Variants in ELMO1 observed in about 807,000 individuals in gnomAD.
ELMO1 encodes engulfment and cell motility protein 1.
Under a neutral mutation model 98.9 loss-of-function variants are expected in ELMO1, and 26 were observed. That is an observed-to-expected ratio of 0.26 (90% CI 0.19 to 0.36). The LOEUF (loss-of-function observed/expected upper bound fraction) is 0.36. Among genes scored for constraint, ELMO1 ranks in the 10% least tolerant of loss-of-function variants. The probability of loss-of-function intolerance (pLI) is 1.00; values close to 1 mark genes in which losing one functional copy is unlikely to be tolerated. For missense variants in ELMO1, 627 were observed against 935.2 expected, an observed-to-expected ratio of 0.67 and a Z score of 4.30; for synonymous variants, 346 against 346.0, an observed-to-expected ratio of 1.00 and a Z score of 0.00.
chr7:37,143,229 T>C (rs930976616), intron 13 of ELMO1, among the ~76,000 whole-genome samples: 7 of 152,242 alleles, frequency 4.6e-5, no homozygotes, highest in African/African-American at 1.2e-4. Context: ...ATTGGGTAGC[T>C]TGCCCAAAGT....
intron 1 of ELMO1, among the ~76,000 whole-genome samples, chr7:37,372,859 C>A (rs1802170661): frequency 6.6e-6 from 1 of 152,160 alleles, no homozygotes; most frequent in Non-Finnish European, 1.5e-5. Flanking sequence ...ATCTATTTTT[C>A]CAACCTGGCA....
intron 16 of ELMO1, among the ~76,000 whole-genome samples, chr7:36,937,455 G>A (rs1240693830): frequency 2.0e-5 from 3 of 152,210 alleles, no homozygotes; most frequent in East Asian, 3.8e-4. Context: ...GGCCCTGTGA[G>A]CCATGCTCCA....
chr7:37,103,255 A>G (rs1203397115), intron 14 of ELMO1, among the ~76,000 whole-genome samples: 1 of 152,218 alleles, frequency 6.6e-6, no homozygotes, highest in Non-Finnish European at 1.5e-5. Context: ...AAAGCACGAC[A>G]GAAAACAAAA....
At chr7:37,003,697 T>TG (rs34972525) in intron 16 of ELMO1, among the ~76,000 whole-genome samples, 4,969 of 152,344 alleles carry the variant, frequency 0.033, 105 homozygotes, top group Middle Eastern at 0.099. Context: ...TGAATATGCA[T>TG]GTTTTATGAT....
At chr7:36,999,420 CG>C (rs1223202455) in intron 16 of ELMO1, among the ~76,000 whole-genome samples, 29 of 152,152 alleles carry the variant, frequency 1.9e-4, no homozygotes, top group African/African-American at 7.0e-4. Context: ...AGTCTCTAGA[CG>C]AAGAGACCGG....
intron 1 of ELMO1, among the ~76,000 whole-genome samples, chr7:37,384,420 C>G (rs1219272448): frequency 6.6e-6 from 1 of 152,074 alleles, no homozygotes; most frequent in Admixed American, 6.5e-5. Context: ...TTAGAAGTTT[C>G]CAGTTTGTTT....
chr7:37,088,421 G>C (rs1286116198), intron 15 of ELMO1, among the ~76,000 whole-genome samples: 2 of 152,212 alleles, frequency 1.3e-5, no homozygotes, highest in African/African-American at 4.8e-5. Context: ...TTTGCTGCAA[G>C]ATGCATCTTG....
At chr7:36,861,589 A>C in intron 21 of ELMO1, 70 bp downstream of exon 21, 1 of 1,535,110 alleles carries the variant, frequency 6.5e-7, no homozygotes, top group Non-Finnish European at 8.9e-7. Flanking sequence ...TCTTAAGTAA[A>C]ATTTCTTTCT....
intron 1 of ELMO1, among the ~76,000 whole-genome samples, chr7:37,438,174 A>C (rs984097251): frequency 1.3e-5 from 2 of 152,188 alleles, no homozygotes; most frequent in Non-Finnish European, 2.9e-5. Flanking sequence ...CATATAAAGC[A>C]AACTAATTCT....
intron 18 of ELMO1, 115 bp downstream of exon 18, chr7:36,887,445 C>T: frequency 1.1e-6 from 1 of 872,594 alleles, no homozygotes; most frequent in Non-Finnish European, 1.8e-6. Flanking sequence ...CTATTCCTGT[C>T]CTGAGTACAA....
chr7:36,856,381 G>T (rs772643128), intron 21 of ELMO1, among the ~76,000 whole-genome samples: 6 of 152,156 alleles, frequency 3.9e-5, no homozygotes, highest in Non-Finnish European at 7.4e-5. Context: ...AAATTATTGG[G>T]CAATCTTAAT....
At chr7:37,144,513 T>C (rs1787859867) in intron 13 of ELMO1, among the ~76,000 whole-genome samples, 1 of 152,224 alleles carries the variant, frequency 6.6e-6, no homozygotes, top group Non-Finnish European at 1.5e-5. Flanking sequence ...GTTATTTTTT[T>C]CCACCTGTCT....
At chr7:37,265,350 A>G (rs1471889324) in intron 5 of ELMO1, among the ~76,000 whole-genome samples, 1 of 152,154 alleles carries the variant, frequency 6.6e-6, no homozygotes, top group Non-Finnish European at 1.5e-5. Flanking sequence ...TCTCTGTAGT[A>G]GAACATTTCC....
chr7:37,435,397 A>G (rs756715309), intron 1 of ELMO1, among the ~76,000 whole-genome samples: 20 of 152,204 alleles, frequency 1.3e-4, no homozygotes, highest in Non-Finnish European at 2.2e-4. Flanking sequence ...CATACGATCC[A>G]ATACTCTTCA....
intron 13 of ELMO1, among the ~76,000 whole-genome samples, chr7:37,144,472 G>A (rs1787856257): frequency 6.6e-6 from 1 of 152,150 alleles, no homozygotes; most frequent in South Asian, 2.1e-4. Flanking sequence ...AGATGCTTTG[G>A]ATACAGATTT....
At chr7:37,219,878 ATAT>A (rs1247993219) in intron 10 of ELMO1, among the ~76,000 whole-genome samples, 3 of 152,262 alleles carry the variant, frequency 2.0e-5, no homozygotes, top group African/African-American at 7.2e-5. Context: ...ACTCTCAATA[ATAT>A]TATCATTGAT....
At chr7:37,331,359 A>ATTTTTTTGTTTTTTTT (rs1313323233) in intron 2 of ELMO1, among the ~76,000 whole-genome samples, 2 of 81,446 alleles carry the variant, frequency 2.5e-5, no homozygotes, top group Admixed American at 1.6e-4. Flanking sequence ...TTTTTTTGGA[A>ATTTTTTTGTTTTTTTT]TTTTAGTAGA....
At chr7:37,216,748 C>T (rs1331675081) in intron 10 of ELMO1, 53 bp from the exon 11 acceptor site, 39 of 1,602,734 alleles carry the variant, frequency 2.4e-5, no homozygotes, top group Non-Finnish European at 2.9e-5. Flanking sequence ...AGCTACATTT[C>T]GACATGGCCA....
intron 1 of ELMO1, among the ~76,000 whole-genome samples, chr7:37,353,889 G>A (rs1221513596): frequency 6.6e-6 from 1 of 152,196 alleles, no homozygotes; most frequent in Non-Finnish European, 1.5e-5. Flanking sequence ...AGCCCAGTCG[G>A]CTCCACCTCT....
Sources: gnomAD v4.1 joint callset for allele counts (sites outside exome capture counted in the v4.1 genomes callset) on GRCh38, gnomAD v4.1.1 for gene constraint, MANE v1.5 for transcripts, NCBI Gene and HGNC (gene_info 2026-07-23, HGNC 2026-07-21) for gene names.